RGS22: variants seen among roughly 807,000 people sequenced by gnomAD.
RGS22 encodes regulator of G-protein signaling 22.
RGS22 carries 148 observed loss-of-function variants against 172.9 expected under a neutral mutation model. The ratio of observed to expected loss-of-function variants is 0.86; its 90% CI spans 0.75 to 0.98. The LOEUF (loss-of-function observed/expected upper bound fraction) is 0.98, where lower values mean the gene tolerates loss of function less well. Ranked by LOEUF, RGS22 falls within the 50% of genes least tolerant of loss-of-function variation. The probability of loss-of-function intolerance (pLI) is 0.00; values close to 1 mark genes in which losing one functional copy is unlikely to be tolerated. For missense variants in RGS22, 1,347 were observed against 1,440.8 expected, an observed-to-expected ratio of 0.93 and a Z score of 1.05; for synonymous variants, 458 against 480.2, an observed-to-expected ratio of 0.95 and a Z score of 0.60.
chr8:99,978,016 A>T lies in RGS22; in HGVS notation c.3420T>A (p.Asn1140Lys). 6.5e-7 allele frequency: 1 copy of T among 1,549,310 alleles called. No homozygotes were observed. Reference protein sequence around the residue: ...FWPQFCEFRKNLTDENIMSVL... With the variant: ...FWPQFCEFRKKLTDENIMSVL... ...CACTCATAATATTTTCATCTGTTAAATTCTTCCTAAACTCACAGAACTGAG... is the reference window on the plus strand; with the variant it reads ...CACTCATAATATTTTCATCTGTTAATTTCTTCCTAAACTCACAGAACTGAG... Residue 1140 changes from asparagine to lysine, a missense_variant, in exon 23 of 28, where the codon AAT (asparagine) becomes AAA (lysine). Physicochemically the swap from Asn to Lys is moderately conservative, Grantham distance 94. Transcript: ENST00000360863.
intron 24 of RGS22, 47 bp downstream of exon 24, chr8:99,965,288 C>T: frequency 7.8e-7 from 1 of 1,275,168 alleles, no homozygotes; most frequent in Non-Finnish European, 1.1e-6. Flanking sequence ...TTCCACTATC[C>T]AATGCTCCAG....
Position 100,066,307 on chromosome 8 carries a change from G to C in RGS22, c.595-11C>G, listed in dbSNP as rs1221671520. ...TTGAGTATAGGAAGCCTAGGAAGAA[G>C]GGAGCATATTAGTTTAACATATGAT... On this transcript the variant is annotated splice_polypyrimidine_tract_variant and intron_variant, in intron 6 of 27. Transcript: ENST00000360863. The C allele has an allele frequency of 6.2e-7, 1 of 1,610,438 alleles. No individual in the cohort carries two copies.
At chr8:100,061,695 G>T (rs1225140788) in intron 9 of RGS22, among the ~76,000 whole-genome samples, 2 of 152,172 alleles carry the variant, frequency 1.3e-5, no homozygotes, top group Non-Finnish European at 2.9e-5. Context: ...ATACACTGTT[G>T]GTGGGAGTGT....
intron 23 of RGS22, among the ~76,000 whole-genome samples, chr8:99,974,304 A>C (rs957738634): frequency 1.3e-5 from 2 of 152,172 alleles, no homozygotes; most frequent in Non-Finnish European, 2.9e-5. Context: ...ATTTTATCCA[A>C]CAAGACCAAT....
chr8:100,063,313 A>AT, intron 8 of RGS22, 103 bp downstream of exon 8: 2 of 768,150 alleles, frequency 2.6e-6, no homozygotes, highest in Non-Finnish European at 3.9e-6. Context: ...AAAAAATTAC[A>AT]TTTTTTAAAA....
intron 5 of RGS22, among the ~76,000 whole-genome samples, chr8:100,071,751 T>C (rs1466707992): frequency 1.3e-5 from 2 of 152,238 alleles, no homozygotes; most frequent in African/African-American, 2.4e-5. Context: ...AAATTGTTGT[T>C]CAGAGGTCAA....
rs779292644 is a variant in RGS22, at chr8:100,105,399, G to A, written c.29C>T (p.Pro10Leu). 6 of 1,608,866 alleles carry A rather than the reference G, an allele frequency of 3.7e-6. No homozygotes were observed. In the Admixed American group the frequency reaches 1.0e-4, roughly 27 times the overall value. MPEKRLTAE[P>L]PTITEEEFED... ...AAATTCTTCTTCTGTAATAGTTGGT[G>A]GCTCTGAAACAAGACAAAATATTAC... The change falls in exon 2 of 28, where the codon CCA (proline) becomes CTA (leucine). Residue 10 changes from proline to leucine, a missense_variant. Transcript: ENST00000360863.
intron 14 of RGS22, among the ~76,000 whole-genome samples, chr8:100,022,718 CAA>C (rs1037078631): frequency 6.6e-6 from 1 of 151,598 alleles, no homozygotes; most frequent in Admixed American, 6.6e-5. Context: ...AATCAGTGAA[CAA>C]AAAAATTCAA....
intron 9 of RGS22, among the ~76,000 whole-genome samples, chr8:100,059,529 T>C (rs1397487183): frequency 6.6e-6 from 1 of 151,088 alleles, no homozygotes; most frequent in African/African-American, 2.4e-5. Context: ...ACAAAAACTG[T>C]AAGAAGAGAC....
chr8:100,073,440 A>C (rs968071927), intron 4 of RGS22, among the ~76,000 whole-genome samples: 13 of 149,394 alleles, frequency 8.7e-5, no homozygotes, highest in East Asian at 2.4e-4. Context: ...AAAAAAAAAA[A>C]ACAAAAAAAA....
chr8:99,987,397 T>C, intron 21 of RGS22, 61 bp downstream of exon 21: 1 of 1,322,602 alleles, frequency 7.6e-7, no homozygotes, highest in Non-Finnish European at 1.0e-6. Context: ...GTTAAAAATC[T>C]GACATTTTAA....
chr8:100,105,830 A>G, intron 1 of RGS22, 67 bp downstream of exon 1: 2 of 1,382,834 alleles, frequency 1.4e-6, no homozygotes, highest in Non-Finnish European at 9.8e-7. Flanking sequence ...TAAAGTCCAG[A>G]GGCTGGCGCG....
At chr8:100,056,929 C>T (rs1391489594) in intron 9 of RGS22, among the ~76,000 whole-genome samples, 1 of 152,172 alleles carries the variant, frequency 6.6e-6, no homozygotes, top group Non-Finnish European at 1.5e-5. Context: ...GTAGATCCAC[C>T]AACAGTTTGC....
intron 20 of RGS22, 98 bp downstream of exon 20, chr8:99,996,364 T>C: frequency 2.2e-6 from 2 of 929,404 alleles, no homozygotes; most frequent in Admixed American, 2.0e-5. Flanking sequence ...GAAAACAGTG[T>C]GTCCTCAGTG....
intron 9 of RGS22, among the ~76,000 whole-genome samples, chr8:100,055,029 T>C (rs1822101248): frequency 6.6e-6 from 1 of 152,142 alleles, no homozygotes; most frequent in Non-Finnish European, 1.5e-5. Context: ...TTGACTCCAG[T>C]CCCTGACTCC....
At chr8:100,032,221 G>T (rs943699566) in intron 14 of RGS22, among the ~76,000 whole-genome samples, 7 of 152,122 alleles carry the variant, frequency 4.6e-5, no homozygotes, top group Non-Finnish European at 1.0e-4. Context: ...ACACAGACTG[G>T]CAAATTGGAT....
At position 100,047,412 on chromosome 8, in the gene RGS22, A is replaced by T; in HGVS notation, c.1823+51T>A. 1.3e-6 allele frequency: 2 copies of T among 1,497,816 alleles called. 1 individual carries two copies. Among genetic ancestry groups the T allele is most frequent in the South Asian group, 2.8e-5 (2 of 70,992 alleles). 92.8% of individuals were successfully genotyped at this position (1,497,816 alleles called of 1,614,324 possible). A position where few individuals can be genotyped will look rare whatever the true frequency, so the allele number is the denominator to read the frequency against. On this transcript the variant is annotated intron_variant, in intron 11 of 27. Transcript: ENST00000360863. ...TTCTGTTTAGTTTTTAAATTCTCTA[A>T]AACGCTTAGTATTGCAGAAAAGCAC...
At chr8:100,104,201 A>T (rs2446913) in intron 2 of RGS22, among the ~76,000 whole-genome samples, 1 of 151,940 alleles carries the variant, frequency 6.6e-6, no homozygotes, top group Non-Finnish European at 1.5e-5. Flanking sequence ...GCCTATAGGG[A>T]CAGTGACTCA....
chr8:99,965,440 TATTAA>T lies in RGS22; in HGVS notation c.3520-15_3520-11del, dbSNP rs768929128. The T allele has an allele frequency of 7.1e-6, 11 of 1,555,688 alleles. No individual in the cohort carries two copies. The highest frequency in any genetic ancestry group is 6.8e-5 in the African/African-American group (5 of 73,200). Reference sequence around the variant, plus strand: ...ATTGTTTGATTCCATCCTGTAATTATATTAAATTAAATTATTACCCAGAAAAGATA... The same window carrying T: ...ATTGTTTGATTCCATCCTGTAATTATATTAAATTATTACCCAGAAAAGATA... On this transcript the variant is annotated splice_polypyrimidine_tract_variant and intron_variant, in intron 23 of 27. Coordinates refer to ENST00000360863, the MANE Select transcript of RGS22 (RefSeq NM_015668.5).
Sources: gnomAD v4.1 joint callset for allele counts (sites outside exome capture counted in the v4.1 genomes callset) on GRCh38, gnomAD v4.1.1 for gene constraint, MANE v1.5 for transcripts, NCBI Gene and HGNC (gene_info 2026-07-23, HGNC 2026-07-21) for gene names.